The following ZBTB43 variants were observed in gnomAD, a reference collection of about 807,000 sequenced individuals.
ZBTB43 encodes zinc finger and BTB domain containing 43, also known as zinc finger and BTB domain-containing protein 43.
Under a neutral mutation model 31.1 loss-of-function variants are expected in ZBTB43, and 6 were observed. The observed-to-expected ratio is 0.19, with a 90% CI of 0.11 to 0.38. The LOEUF is 0.38. ZBTB43 is among the 10% of genes least tolerant of loss of function. The pLI is 1.00. For missense variants in ZBTB43, 379 were observed against 602.1 expected (o/e 0.63, Z 3.88); for synonymous variants, 212 against 221.7 (o/e 0.96, Z 0.39).
At chr9:126,810,966 A>G (rs948699669) in intron 2 of ZBTB43, among the ~76,000 whole-genome samples, 5 of 151,828 alleles carry the variant, frequency 3.3e-5, no homozygotes, top group Admixed American at 3.3e-4. Flanking sequence ...CATGCCTGTA[A>G]TCCCAGCACT....
intron 2 of ZBTB43, among the ~76,000 whole-genome samples, chr9:126,823,340 A>G (rs923691637): frequency 2.6e-5 from 4 of 152,142 alleles, no homozygotes; most frequent in African/African-American, 7.2e-5. Flanking sequence ...GATAGATTGA[A>G]CCTTTTTACT....
Position 126,833,341 on chromosome 9 carries a change from A to G in ZBTB43, c.832A>G (p.Thr278Ala), listed in dbSNP as rs2032810632. The part of the protein sequence containing the change: ...QVTESINTVQ[T>A]EHTVQPSGVE... ...CACAGAGTCCATCAACACCGTGCAGACAGAGCACACGGTGCAGCCTTCGGG... is the reference window on the plus strand; with the variant it reads ...CACAGAGTCCATCAACACCGTGCAGGCAGAGCACACGGTGCAGCCTTCGGG... The change falls in exon 3 of 3, where the codon ACA becomes GCA. Residue 278 changes from threonine to alanine, a missense_variant. Transcript: ENST00000373464. The surrounding 1 kb of genome is among the most constrained non-coding windows in gnomAD (Gnocchi z 7.9). 6.2e-7 allele frequency: 1 copy of G among 1,612,940 alleles called. No individual in the cohort carries two copies.
intron 2 of ZBTB43, among the ~76,000 whole-genome samples, chr9:126,818,492 A>T (rs895951964): frequency 6.6e-6 from 1 of 151,774 alleles, no homozygotes; most frequent in African/African-American, 2.4e-5. Flanking sequence ...CAATTCGCCC[A>T]CCTCGGCCTC....
chr9:126,807,778 GGC>G (rs1231094387), intron 1 of ZBTB43, among the ~76,000 whole-genome samples: 1 of 152,028 alleles, frequency 6.6e-6, no homozygotes, highest in Non-Finnish European at 1.5e-5. Flanking sequence ...TGGGATTACA[GGC>G]GCCTGCCACC....
At chr9:126,813,394 C>T (rs1306027612) in intron 2 of ZBTB43, among the ~76,000 whole-genome samples, 4 of 152,150 alleles carry the variant, frequency 2.6e-5, no homozygotes, top group African/African-American at 9.7e-5. Context: ...CTTAACCATG[C>T]CTCACAGCAC....
intron 2 of ZBTB43, chr9:126,831,517 C>T (rs1223378515): frequency 6.6e-6 from 1 of 151,612 alleles, no homozygotes; most frequent in Non-Finnish European, 1.5e-5. Context: ...AAAAAAAATT[C>T]TGCCAGGAGC....
chr9:126,827,743 C>G (rs948344419), intron 2 of ZBTB43, among the ~76,000 whole-genome samples: 1 of 152,200 alleles, frequency 6.6e-6, no homozygotes, highest in Non-Finnish European at 1.5e-5. Flanking sequence ...CGAGGTGGCT[C>G]ACGCCTGTAA....
In ZBTB43 at chr9:126,820,967, C is replaced by CAAAAAAA. The variant is rs36023653; in HGVS notation, c.-23-11506_-23-11500dup. Among the ~76,000 whole-genome samples the CAAAAAAA allele has an allele frequency of 1.9e-3, 160 of 83,466 alleles. 1 individual carries two copies. The highest frequency in any genetic ancestry group is 8.7e-3 in the African/African-American group (156 of 17,856). The allele number at this position is 83,466 out of a possible 152,430, so 54.8% of individuals were successfully genotyped here. On this transcript the variant is annotated intron_variant, in intron 2 of 2. Coordinates refer to ENST00000373464, the MANE Select transcript of ZBTB43 (RefSeq NM_014007.4). ...GGGTGACAAAGTGAGACCCCCATCT[C>CAAAAAAA]AAAAAAAAAAAAAAAAAAAAGGATA...
At chr9:126,832,435 A>G (rs1242538780) in intron 2 of ZBTB43, 52 bp from the exon 3 acceptor site, 1 of 1,505,288 alleles carries the variant, frequency 6.6e-7, no homozygotes, top group Non-Finnish European at 8.9e-7. Context: ...GAGGGGATAA[A>G]ATAAGTTTAT....
In ZBTB43 at chr9:126,825,209, G is replaced by A. The variant is rs183742688; in HGVS notation, c.-23-7278G>A. Among the ~76,000 whole-genome samples the A allele has an allele frequency of 1.7e-3, 255 of 152,284 alleles. 1 individual carries two copies. The highest frequency in any genetic ancestry group is 6.0e-3 in the African/African-American group (250 of 41,550). ...TCCCACCTCAGCCTCCCAGAGTGCT[G>A]GGATTACAGGCATGAGCAACTGTGC... On this transcript the variant is annotated intron_variant, in intron 2 of 2. Transcript: ENST00000373464.
intron 2 of ZBTB43, among the ~76,000 whole-genome samples, chr9:126,823,974 T>C (rs1195281038): frequency 6.6e-6 from 1 of 152,238 alleles, no homozygotes; most frequent in African/African-American, 2.4e-5. Flanking sequence ...TATGCATTCA[T>C]TAGCCTTTTA....
rs1479470681 is a variant in ZBTB43 at position 126,836,227 on chromosome 9, G to T, written c.*2314G>T. On this transcript the variant is annotated 3_prime_UTR_variant, in exon 3 of 3. Coordinates refer to ENST00000373464, the MANE Select transcript of ZBTB43 (RefSeq NM_014007.4). The stretch of plus-strand genomic sequence containing the variant: ...GCCCTTGTCATGAGGAAGAGTTTCT[G>T]TTCAGCCAAGAGTGGTGGCACGCTT... 1 of 167,110 alleles carries T rather than the reference G, an allele frequency of 6.0e-6. No homozygotes were observed. The highest frequency in any genetic ancestry group is 2.4e-5 in the African/African-American group (1 of 41,454). The allele number at this position is 167,110 out of a possible 1,614,324, so 10.4% of individuals were successfully genotyped here.
intron 2 of ZBTB43, among the ~76,000 whole-genome samples, chr9:126,831,209 C>T (rs1010056450): frequency 6.6e-6 from 1 of 152,142 alleles, no homozygotes; most frequent in Middle Eastern, 3.2e-3. Flanking sequence ...CTAATGGTCT[C>T]CTTTCAGTTC....
chr9:126,810,018 G>C (rs970819532), intron 2 of ZBTB43, among the ~76,000 whole-genome samples: 13 of 151,938 alleles, frequency 8.6e-5, no homozygotes, highest in African/African-American at 3.1e-4. Context: ...TGTATTTTTA[G>C]TAGAGATGGG....
chr9:126,830,176 G>A (rs1402273483), intron 2 of ZBTB43, among the ~76,000 whole-genome samples: 2 of 152,150 alleles, frequency 1.3e-5, no homozygotes, highest in Non-Finnish European at 2.9e-5. Flanking sequence ...AACTTCAGAC[G>A]ATCAAGCCCT....
chr9:126,834,219 G>A lies in ZBTB43; in HGVS notation c.*306G>A, dbSNP rs906496894. Reference sequence around the variant, plus strand: ...ACAGAGACACCTGCACTTGGAACTGGACTCCACCCACCAGTTCCATTTTGG... The same window carrying A: ...ACAGAGACACCTGCACTTGGAACTGAACTCCACCCACCAGTTCCATTTTGG... On this transcript the variant is annotated 3_prime_UTR_variant, in exon 3 of 3. Transcript: ENST00000373464. 3 of 258,958 alleles carry A rather than the reference G, an allele frequency of 1.2e-5. No individual in the cohort carries two copies. The highest frequency in any genetic ancestry group is 4.5e-5 in the African/African-American group (2 of 44,928). 16.0% of individuals were successfully genotyped at this position (258,958 alleles called of 1,614,324 possible). A position where few individuals can be genotyped will look rare whatever the true frequency, so the allele number is the denominator to read the frequency against.
At chr9:126,817,865 A>G (rs1018807220) in intron 2 of ZBTB43, among the ~76,000 whole-genome samples, 1 of 152,072 alleles carries the variant, frequency 6.6e-6, no homozygotes, top group Non-Finnish European at 1.5e-5. Flanking sequence ...ATAGGTCACA[A>G]TTGCCTATGA....
chr9:126,815,356 A>AT, intron 2 of ZBTB43, among the ~76,000 whole-genome samples: 1 of 146,536 alleles, frequency 6.8e-6, no homozygotes, highest in East Asian at 2.0e-4. Context: ...CAATATATAA[A>AT]AATATATATA....
At chr9:126,808,628 A>G (rs1034095406) in intron 1 of ZBTB43, among the ~76,000 whole-genome samples, 165 bp from the exon 2 acceptor site, 4 of 152,242 alleles carry the variant, frequency 2.6e-5, no homozygotes, top group Admixed American at 6.5e-5. Flanking sequence ...TTTAAAAAAT[A>G]CAAAAGCAGG....
Sources: gnomAD v4.1 joint callset for allele counts (sites outside exome capture counted in the v4.1 genomes callset) on GRCh38, gnomAD v4.1.1 for gene constraint, Gnocchi (gnomAD v3.1) non-coding constraint, MANE v1.5 for transcripts, NCBI Gene and HGNC (gene_info 2026-07-23, HGNC 2026-07-21) for gene names.